The following IGHMBP2 variants were observed in gnomAD, a reference collection of about 807,000 sequenced individuals.
IGHMBP2 encodes immunoglobulin mu DNA binding protein 2.
Under a neutral mutation model 96.0 loss-of-function variants are expected in IGHMBP2, and 81 were observed. That is an observed-to-expected ratio of 0.84 (90% CI 0.71 to 1.01). The LOEUF is 1.01. Ranked by LOEUF, IGHMBP2 falls within the 50% of genes least tolerant of loss-of-function variation. The pLI is 0.00. For missense variants in IGHMBP2, 1,227 were observed against 1,306.3 expected (o/e 0.94, Z 0.94); for synonymous variants, 557 against 548.9 (o/e 1.01, Z -0.21).
intron 7 of IGHMBP2, among the ~76,000 whole-genome samples, chr11:68,922,802 T>TC (rs1858929183): frequency 6.6e-6 from 1 of 152,202 alleles, no homozygotes; most frequent in Admixed American, 6.5e-5. Flanking sequence ...GTGCAGCAGA[T>TC]CTATAGAATT....
At position 68,936,773 on chromosome 11, in the gene IGHMBP2, C is replaced by A; in HGVS notation, c.2293C>A (p.His765Asn). The A allele has an allele frequency of 6.2e-7, 1 of 1,614,072 alleles. No individual in the cohort carries two copies. The highest frequency in any genetic ancestry group is 8.5e-7 in the Non-Finnish European group (1 of 1,180,036). Residue 765 changes from histidine to asparagine, a missense_variant, in exon 13 of 15, where the codon CAC (histidine) becomes AAC (asparagine). Transcript: ENST00000255078. ...RLRVHQIAEE[H>N]GLRHDSSGEG... is the part of the protein sequence containing the mutation. ...GCGGGTCCACCAAATAGCCGAGGAG[C>A]ACGGGCTGAGGCACGACAGTTCCGG...
intron 7 of IGHMBP2, among the ~76,000 whole-genome samples, chr11:68,919,999 G>A (rs1292833560): frequency 2.0e-5 from 3 of 152,284 alleles, no homozygotes; most frequent in East Asian, 1.9e-4. Context: ...TTGTACAGCA[G>A]ATCTCTAGAA....
chr11:68,939,698 G>A lies in IGHMBP2; in HGVS notation c.2949G>A (p.Gln983=), dbSNP rs761315649. Residue 983 remains glutamine, a synonymous_variant, in exon 15 of 15, where the codon CAG becomes CAA. Coordinates refer to ENST00000255078, the MANE Select transcript of IGHMBP2 (RefSeq NM_002180.3). ...AGAAGCTGAGTGAGCTCAGCAACCA[G>A]AGGACCAGCCGGAGGAAGGAGAGGG... ...LDKKLSELSN[Q]RTSRRKERGT 7 of 1,612,128 alleles carry A rather than the reference G, an allele frequency of 4.3e-6. No individual in the cohort carries two copies. In the East Asian group the frequency reaches 1.6e-4, roughly 36 times the overall value.
chr11:68,908,436 G>A, intron 3 of IGHMBP2, 98 bp from the exon 4 acceptor site: 4 of 1,442,370 alleles, frequency 2.8e-6, no homozygotes, highest in Non-Finnish European at 2.9e-6. Flanking sequence ...ACAAGTCATG[G>A]TGTGGGTGTG....
At chr11:68,935,756 G>C (rs191056181) in intron 12 of IGHMBP2, among the ~76,000 whole-genome samples, 1 of 152,350 alleles carries the variant, frequency 6.6e-6, no homozygotes, top group East Asian at 1.9e-4. Flanking sequence ...CGCGGGGTGT[G>C]GTGGTCGTGG....
At chr11:68,917,951 T>C in intron 7 of IGHMBP2, 68 bp downstream of exon 7, 1 of 1,527,466 alleles carries the variant, frequency 6.5e-7, no homozygotes. Context: ...CCCTCTTCTG[T>C]TTTCTGGAAG....
At position 68,907,039 on chromosome 11, in the gene IGHMBP2, C is replaced by T. The variant is rs183606539; in HGVS notation, c.256+801C>T. 3.8e-3 allele frequency among the ~76,000 whole-genome samples: 582 copies of T among 152,130 alleles called. 1 individual carries two copies. The highest frequency in any genetic ancestry group is 0.013 in the African/African-American group (550 of 41,514). ...CTTTGGGAGGCCGAGGTGGGTGGAT[C>T]ACTTGATCTCAGGAGTTCGAGACCA... On this transcript the variant is annotated intron_variant, in intron 2 of 14. Transcript: ENST00000255078.
Position 68,915,259 on chromosome 11 carries a change from A to G in IGHMBP2, c.912+236A>G, listed in dbSNP as rs144764889. 0.038 allele frequency among the ~76,000 whole-genome samples: 5,117 copies of G among 135,706 alleles called. 303 individuals are homozygous for G. Among genetic ancestry groups the G allele is most frequent in the African/African-American group, 0.13 (4,735 of 35,654 alleles). 89.0% of individuals were successfully genotyped at this position (135,706 alleles called of 152,430 possible). A position where few individuals can be genotyped will look rare whatever the true frequency, so the allele number is the denominator to read the frequency against. ...CAGTGGTGCAATCTCGGCTCACTGCAACCTCTGCCTCCTGGGTTCAAGCGA... is the reference window on the plus strand; with the variant it reads ...CAGTGGTGCAATCTCGGCTCACTGCGACCTCTGCCTCCTGGGTTCAAGCGA... On this transcript the variant is annotated intron_variant, in intron 6 of 14. Transcript: ENST00000255078.
chr11:68,936,555 A>G lies in IGHMBP2; in HGVS notation c.2075A>G (p.Gln692Arg). 6.2e-7 allele frequency: 1 copy of G among 1,612,100 alleles called. No individual in the cohort carries two copies. Among genetic ancestry groups the G allele is most frequent in the Non-Finnish European group, 8.5e-7 (1 of 1,178,966 alleles). ...GGQEAAAPAR[Q>R]GRKKPAGKSL... ...CAGGAGGCTGCAGCACCTGCCAGAC[A>G]GGGCCGGAAGAAGCCGGCTGGGAAG... Residue 692 changes from glutamine (Q) to arginine (R), a missense_variant, in exon 13 of 15, where the codon CAG (glutamine) becomes CGG (arginine). By Grantham distance (43) the Gln-to-Arg change is conservative. This residue lies in a region of IGHMBP2 where 703 missense variants were observed against 770.3 expected (regional missense o/e 0.91). Coordinates refer to ENST00000255078, the MANE Select transcript of IGHMBP2 (RefSeq NM_002180.3).
intron 11 of IGHMBP2, among the ~76,000 whole-genome samples, 153 bp from the exon 12 acceptor site, chr11:68,935,146 G>C (rs1437961369): frequency 6.6e-6 from 1 of 152,232 alleles, no homozygotes; most frequent in African/African-American, 2.4e-5. Context: ...TGAGGAGGGC[G>C]AACGGGAAGC....
rs756513980 is a variant in IGHMBP2, at chr11:68,906,132, G to T, written c.150G>T (p.Leu50=). ...GCCGAGGCGTGTGTTTGCTGAAGCT[G>T]CAGGTATCCAGCCAGCGCACTGGGC... The part of the protein sequence containing the change: ...LQSRGVCLLK[L]QVSSQRTGLY... The change falls in exon 2 of 15, where the codon CTG becomes CTT. Residue 50 remains leucine (L), a synonymous_variant. Transcript: ENST00000255078. 4 of 1,614,186 alleles carry T rather than the reference G, an allele frequency of 2.5e-6. No homozygotes were observed. The highest frequency in any genetic ancestry group is 1.7e-4 in the Middle Eastern group (1 of 6,058).
rs142062146 is a variant in IGHMBP2, at chr11:68,929,186, C to T, written c.1064C>T (p.Ala355Val). The change falls in exon 8 of 15, where the codon GCG becomes GTG. Residue 355 changes from alanine (A) to valine (V), a missense_variant. Coordinates refer to ENST00000255078, the MANE Select transcript of IGHMBP2 (RefSeq NM_002180.3). The stretch of plus-strand genomic sequence containing the variant: ...CCCGGCTCCCTGTTTCCACCAGGTG[C>T]GTCTGCCGATGGCCCCCTGAAGTTG... ...ANVVLATNTG[A>V]SADGPLKLLP... The T allele has an allele frequency of 4.5e-4, 733 of 1,612,280 alleles. 2 individuals are homozygous for T. The African/African-American group carries it at 7.3e-3, about 16-fold the overall frequency.
chr11:68,931,663 C>A (rs1012901693), intron 8 of IGHMBP2, among the ~76,000 whole-genome samples: 1 of 152,124 alleles, frequency 6.6e-6, no homozygotes, highest in Non-Finnish European at 1.5e-5. Context: ...TTCCCTGCTG[C>A]AGCCGGCATG....
chr11:68,934,688 C>A, intron 11 of IGHMBP2, 130 bp downstream of exon 11: 1 of 755,034 alleles, frequency 1.3e-6, no homozygotes. Flanking sequence ...CTTATTGTGA[C>A]TGGATCCAGG....
intron 5 of IGHMBP2, among the ~76,000 whole-genome samples, chr11:68,913,863 A>G (rs1858543317): frequency 6.6e-6 from 1 of 152,200 alleles, no homozygotes; most frequent in African/African-American, 2.4e-5. Context: ...ACGAAACACC[A>G]GGAGTGTGGT....
chr11:68,905,595 G>A (rs951669832), intron 1 of IGHMBP2, among the ~76,000 whole-genome samples: 1 of 152,220 alleles, frequency 6.6e-6, no homozygotes, highest in African/African-American at 2.4e-5. Flanking sequence ...CATCAGCGGG[G>A]TTAAGCAGGT....
At chr11:68,933,109 C>T (rs1859378453) in intron 8 of IGHMBP2, 190 bp from the exon 9 acceptor site, 3 of 623,818 alleles carry the variant, frequency 4.8e-6, no homozygotes, top group African/African-American at 3.6e-5. Flanking sequence ...CATTCACGGG[C>T]CTTGGCGATT....
chr11:68,925,746 A>T (rs1251467797), intron 7 of IGHMBP2, among the ~76,000 whole-genome samples: 3 of 152,180 alleles, frequency 2.0e-5, no homozygotes, highest in African/African-American at 7.2e-5. Flanking sequence ...CTTGGTTGAC[A>T]GTCTTTCAGC....
intron 10 of IGHMBP2, 174 bp downstream of exon 10, chr11:68,934,087 T>C (rs1239987210): frequency 6.0e-6 from 4 of 663,636 alleles, no homozygotes; most frequent in Middle Eastern, 3.5e-4. Flanking sequence ...TTCTCCAGGG[T>C]GAGCAGACCG....
Sources: gnomAD v4.1 joint callset for allele counts (sites outside exome capture counted in the v4.1 genomes callset) on GRCh38, gnomAD v4.1.1 for gene constraint, gnomAD v4.1.1 regional missense constraint, MANE v1.5 for transcripts, NCBI Gene and HGNC (gene_info 2026-07-23, HGNC 2026-07-21) for gene names.